Variants in CSF1 observed in about 807,000 individuals in gnomAD.
The protein encoded by CSF1 is colony stimulating factor 1, also known as macrophage colony-stimulating factor 1.
In CSF1, 9 loss-of-function variants were observed where a neutral mutation model predicts 48.9. The ratio of observed to expected loss-of-function variants is 0.18; its 90% CI spans 0.11 to 0.32. The LOEUF is 0.32. CSF1 is among the 10% of genes least tolerant of loss of function. The pLI is 1.00. For missense variants in CSF1, 672 were observed against 697.9 expected (o/e 0.96, Z 0.42); for synonymous variants, 305 against 284.1 (o/e 1.07, Z -0.74).
intron 8 of CSF1, among the ~76,000 whole-genome samples, chr1:109,927,411 G>C (rs1416163865): frequency 6.6e-6 from 1 of 152,166 alleles, no homozygotes; most frequent in Non-Finnish European, 1.5e-5. Context: ...GGGTCAGCTG[G>C]GGCACTGGCA....
At position 109,923,624 on chromosome 1, in the gene CSF1, A is replaced by T; in HGVS notation, c.1003A>T (p.Thr335Ser). 1.2e-6 allele frequency: 2 copies of T among 1,614,004 alleles called. No individual in the cohort carries two copies. The highest frequency in any genetic ancestry group is 1.7e-6 in the Non-Finnish European group (2 of 1,179,942). ...CAGGCCAGGAGGGGGCAGCATGCAG[A>T]CAGAGCCCGCCAGACCCAGCAACTT... ...PSRPGGGSMQTEPARPSNFLS... is the reference protein window; with the variant it reads ...PSRPGGGSMQSEPARPSNFLS... The change falls in exon 6 of 9, where the codon ACA becomes TCA. Residue 335 changes from threonine (T) to serine (S), a missense_variant. By Grantham distance (58) the Thr-to-Ser change is moderately conservative. Transcript: ENST00000329608.
In CSF1 at chr1:109,911,009, G is replaced by C. The variant is rs1654655633; in HGVS notation, c.-15G>C. On this transcript the variant is annotated 5_prime_UTR_variant, in exon 1 of 9. Transcript: ENST00000329608. Reference sequence around the variant, plus strand: ...GAGGGCGGCCGACGCGCCCGGCCGGGACCCAGCTGCCCGTATGACCGCGCC... The same window carrying C: ...GAGGGCGGCCGACGCGCCCGGCCGGCACCCAGCTGCCCGTATGACCGCGCC... 4.3e-6 allele frequency: 5 copies of C among 1,172,358 alleles called. No homozygotes were observed. In the African/African-American group the frequency reaches 8.1e-5, roughly 19 times the overall value. The allele number at this position is 1,172,358 out of a possible 1,614,324, so 72.6% of individuals were successfully genotyped here.
At chr1:109,924,729 C>A (rs777595055) in intron 6 of CSF1, 47 bp from the exon 7 acceptor site, 2 of 1,539,338 alleles carry the variant, frequency 1.3e-6, no homozygotes, top group Middle Eastern at 1.7e-4. Flanking sequence ...CCACCGCCCC[C>A]CCACACTCCC....
chr1:109,924,033 T>C lies in CSF1; in HGVS notation c.1412T>C (p.Phe471Ser). 3 of 1,614,206 alleles carry C rather than the reference T, an allele frequency of 1.9e-6. No individual in the cohort carries two copies. The South Asian group carries it at 3.3e-5, about 18-fold the overall frequency. ...SEGAARPLPRFNSVPLTDTGH... is the reference protein window; with the variant it reads ...SEGAARPLPRSNSVPLTDTGH... ...GGGGCAGCCAGGCCCCTGCCCCGTT[T>C]TAACTCCGTTCCTTTGACTGACACA... Residue 471 changes from phenylalanine (F) to serine (S), a missense_variant, in exon 6 of 9, where the codon TTT (phenylalanine) becomes TCT (serine). Physicochemically the swap from Phe to Ser is radical, Grantham distance 155 (BLOSUM62 -2). Transcript: ENST00000329608.
At chr1:109,911,766 G>A (rs541324292) in intron 1 of CSF1, among the ~76,000 whole-genome samples, 24 of 152,352 alleles carry the variant, frequency 1.6e-4, no homozygotes, top group African/African-American at 5.8e-4. Context: ...TCTGGGCTTT[G>A]TGGTGGTTTA....
At chr1:109,913,114 A>G (rs1654761100) in intron 1 of CSF1, among the ~76,000 whole-genome samples, 2 of 152,206 alleles carry the variant, frequency 1.3e-5, no homozygotes, top group Admixed American at 6.5e-5. Flanking sequence ...GCTTTTGGTG[A>G]TATGTAGATT....
rs1648046180 is a variant in CSF1 at position 109,930,990 on chromosome 1, T to A, written c.*2152T>A. 2 of 152,294 alleles carry A rather than the reference T, an allele frequency of 1.3e-5. No homozygotes were observed. Among genetic ancestry groups the A allele is most frequent in the South Asian group, 4.1e-4 (2 of 4,826 alleles). The allele number at this position is 152,294 out of a possible 1,614,324, so 9.4% of individuals were successfully genotyped here. The stretch of plus-strand genomic sequence containing the variant: ...TTAATAATAAAAGAAGTGCACAAGC[T>A]GCCATGTGAGTCGTGGGAAAGTTGC... On this transcript the variant is annotated 3_prime_UTR_variant, in exon 9 of 9. Coordinates refer to ENST00000329608, the MANE Select transcript of CSF1 (RefSeq NM_000757.6).
upstream of CSF1, chr1:109,910,526 G>A (rs1654628404): frequency 2.6e-6 from 1 of 384,120 alleles, no homozygotes; most frequent in Non-Finnish European, 5.4e-6. Flanking sequence ...GGAGAGCGCG[G>A]AAGGAAAGGG....
intron 1 of CSF1, 112 bp from the exon 2 acceptor site, chr1:109,914,147 C>A (rs113885638): frequency 2.9e-5 from 34 of 1,188,290 alleles, no homozygotes; most frequent in African/African-American, 1.6e-4. Context: ...AGGTAAGGGG[C>A]AGAGCCTGTA....
chr1:109,911,711 G>A (rs980767170), intron 1 of CSF1, among the ~76,000 whole-genome samples: 1 of 152,228 alleles, frequency 6.6e-6, no homozygotes, highest in Non-Finnish European at 1.5e-5. Context: ...GGCTAGCTCA[G>A]AATCTCTTTT....
chr1:109,922,204 T>C (rs1647589968), intron 5 of CSF1: 1 of 443,330 alleles, frequency 2.3e-6, no homozygotes, highest in Non-Finnish European at 3.9e-6. Context: ...TGTGTGTGCA[T>C]GCACACCTAC....
Position 109,915,790 on chromosome 1 carries a change from A to G in CSF1, c.225+94A>G, listed in dbSNP as rs552184575. 4.4e-5 allele frequency: 47 copies of G among 1,061,428 alleles called. No homozygotes were observed. In the African/African-American group the frequency reaches 7.2e-4, roughly 16 times the overall value. 65.8% of individuals were successfully genotyped at this position (1,061,428 alleles called of 1,614,324 possible). On this transcript the variant is annotated intron_variant, in intron 3 of 8. Coordinates refer to ENST00000329608, the MANE Select transcript of CSF1 (RefSeq NM_000757.6). Reference sequence around the variant, plus strand: ...GGAGCATGAAAGCGGCAGAATGCCTACTGCTGGAAAGGGTGAGAGTGTGAG... The same window carrying G: ...GGAGCATGAAAGCGGCAGAATGCCTGCTGCTGGAAAGGGTGAGAGTGTGAG...
chr1:109,919,820 G>T (rs12080540), intron 4 of CSF1, among the ~76,000 whole-genome samples: 3 of 151,620 alleles, frequency 2.0e-5, no homozygotes, highest in African/African-American at 4.9e-5. Context: ...TTAGCAGCTG[G>T]TGGTGGCGCA....
At chr1:109,915,553 A>G in intron 2 of CSF1, 81 bp from the exon 3 acceptor site, 1 of 1,199,830 alleles carries the variant, frequency 8.3e-7, no homozygotes, top group South Asian at 1.2e-5. Flanking sequence ...CTCAGAAGCT[A>G]AGGTCCCCGT....
At chr1:109,914,512 C>T in intron 2 of CSF1, 131 bp downstream of exon 2, 2 of 1,076,536 alleles carry the variant, frequency 1.9e-6, no homozygotes, top group Non-Finnish European at 2.5e-6. Context: ...TTGTGGTTCC[C>T]ACTAGCTCCA....
At chr1:109,914,738 C>T (rs903737897) in intron 2 of CSF1, among the ~76,000 whole-genome samples, 4 of 152,258 alleles carry the variant, frequency 2.6e-5, no homozygotes, top group Non-Finnish European at 5.9e-5. Flanking sequence ...CTAGCCCAGG[C>T]GGCCTGCTGT....
At chr1:109,918,382 T>C (rs569890563) in intron 4 of CSF1, among the ~76,000 whole-genome samples, 14 of 152,182 alleles carry the variant, frequency 9.2e-5, no homozygotes, top group Non-Finnish European at 1.6e-4. Flanking sequence ...TGAACAGGCA[T>C]GTGGCTTAAT....
At chr1:109,921,791 T>C in intron 4 of CSF1, 56 bp from the exon 5 acceptor site, 2 of 1,474,628 alleles carry the variant, frequency 1.4e-6, no homozygotes, top group East Asian at 4.9e-5. Context: ...ACAAATAAGA[T>C]GGAGACATGG....
rs1343648445 is a variant in CSF1 at position 109,923,442 on chromosome 1, T to A, written c.821T>A (p.Ile274Asn). 6.2e-7 allele frequency: 1 copy of A among 1,613,988 alleles called. No individual in the cohort carries two copies. Among genetic ancestry groups the A allele is most frequent in the Non-Finnish European group, 8.5e-7 (1 of 1,180,006 alleles). ...PETPVVKDSTIGGSPQPRPSV... is the reference protein window; with the variant it reads ...PETPVVKDSTNGGSPQPRPSV... ...ACCCCAGTTGTCAAGGACAGCACCA[T>A]CGGTGGCTCACCACAGCCTCGCCCC... is the stretch of plus-strand genomic sequence containing the variant. Residue 274 changes from isoleucine to asparagine, a missense_variant, in exon 6 of 9, where the codon ATC becomes AAC. By Grantham distance (149) the Ile-to-Asn change is moderately radical. This residue lies in a region of CSF1 where 591 missense variants were observed against 593.6 expected (regional missense o/e 1.00). Transcript: ENST00000329608.
Sources: gnomAD v4.1 joint callset for allele counts (sites outside exome capture counted in the v4.1 genomes callset) on GRCh38, gnomAD v4.1.1 for gene constraint, gnomAD v4.1.1 regional missense constraint, MANE v1.5 for transcripts, NCBI Gene and HGNC (gene_info 2026-07-23, HGNC 2026-07-21) for gene names.